Variants in TRPM6 observed in about 807,000 individuals in gnomAD.
The protein encoded by TRPM6 is transient receptor potential cation channel subfamily M member 6.
TRPM6 carries 111 observed loss-of-function variants against 247.6 expected under a neutral mutation model. The ratio of observed to expected loss-of-function variants is 0.45; its 90% CI spans 0.38 to 0.52. The LOEUF (loss-of-function observed/expected upper bound fraction) is 0.52, where lower values mean the gene tolerates loss of function less well. Ranked by LOEUF, TRPM6 falls within the 20% of genes least tolerant of loss-of-function variation. The pLI is 0.00. For missense variants in TRPM6, 2,126 were observed against 2,421.5 expected (o/e 0.88, Z 2.56); for synonymous variants, 892 against 853.8 (o/e 1.04, Z -0.78).
At chr9:74,741,871 C>T (rs1485729864) in intron 33 of TRPM6, among the ~76,000 whole-genome samples, 3 of 149,420 alleles carry the variant, frequency 2.0e-5, no homozygotes, top group South Asian at 2.1e-4. Context: ...GCCTGGGCAA[C>T]GAGAGTGAAA....
chr9:74,723,039 G>A lies in TRPM6; in HGVS notation c.*1574C>T, dbSNP rs1281625358. 1 of 152,148 alleles carries A rather than the reference G, an allele frequency of 6.6e-6. No individual in the cohort carries two copies. Among genetic ancestry groups the A allele is most frequent in the Non-Finnish European group, 1.5e-5 (1 of 68,018 alleles). 9.4% of individuals were successfully genotyped at this position (152,148 alleles called of 1,614,324 possible). On this transcript the variant is annotated 3_prime_UTR_variant, in exon 39 of 39. Coordinates refer to ENST00000360774, the MANE Select transcript of TRPM6 (RefSeq NM_017662.5). ...TATAATAAGAAAGGAGATGCAATAG[G>A]ATGGGGAGAGGACTCCCAGCCCCAC...
Position 74,762,422 on chromosome 9 carries a change from G to A in TRPM6, c.4249C>T (p.Gln1417Ter). 1 of 1,614,154 alleles carries A rather than the reference G, an allele frequency of 6.2e-7. No homozygotes were observed. Among genetic ancestry groups the A allele is most frequent in the Non-Finnish European group, 8.5e-7 (1 of 1,180,042 alleles). Residue 1417 changes from glutamine to a stop codon, truncating the protein, a stop_gained, in exon 26 of 39, where the codon CAA becomes TAA. Transcript: ENST00000360774. LOFTEE classifies it high-confidence loss of function. ...GGTAGCACTTGCTCTGCCTTGTCTTGTCCATCCAGTAAGTGAGCAATAGGC... is the reference window on the plus strand; with the variant it reads ...GGTAGCACTTGCTCTGCCTTGTCTTATCCATCCAGTAAGTGAGCAATAGGC... ...HEPIAHLLDG[Q>*]DKAEQVLPTL...
intron 1 of TRPM6, among the ~76,000 whole-genome samples, chr9:74,877,852 T>C (rs576113347): frequency 1.3e-5 from 2 of 152,166 alleles, no homozygotes; most frequent in South Asian, 4.2e-4. Flanking sequence ...CCACTCCAAC[T>C]CAGGCATTCC....
At chr9:74,756,715 G>C (rs1415015215) in intron 27 of TRPM6, among the ~76,000 whole-genome samples, 1 of 149,500 alleles carries the variant, frequency 6.7e-6, no homozygotes, top group African/African-American at 2.5e-5. Context: ...GCCAGGTGTG[G>C]TGGCACACCT....
In TRPM6 at chr9:74,800,299, G is replaced by A. The variant is rs1237266684; in HGVS notation, c.2193C>T (p.Asp731=). Residue 731 remains aspartate (D), a synonymous_variant, in exon 17 of 39, where the codon GAC becomes GAT. Coordinates refer to ENST00000360774, the MANE Select transcript of TRPM6 (RefSeq NM_017662.5). ...TCATTTTCAGCCTCCCCATCCACAT[G>A]TCTGTCAGTAGCATCTGGGTACAAG... is the stretch of plus-strand genomic sequence containing the variant. The part of the protein sequence containing the change: ...SHTCTQMLLT[D]MWMGRLKMRK... 6.2e-7 allele frequency: 1 copy of A among 1,613,992 alleles called. No individual in the cohort carries two copies.
At chr9:74,847,761 A>C (rs897459856) in intron 3 of TRPM6, among the ~76,000 whole-genome samples, 3 of 152,094 alleles carry the variant, frequency 2.0e-5, no homozygotes, top group Non-Finnish European at 4.4e-5. Context: ...TTTAAGACCC[A>C]TAAGTAACTT....
At position 74,724,458 on chromosome 9, in the gene TRPM6, A is replaced by AAAGG; in HGVS notation, c.*154_*155insCCTT. 1 of 1,055,220 alleles carries AAAGG rather than the reference A, an allele frequency of 9.5e-7. No individual in the cohort carries two copies. 65.4% of individuals were successfully genotyped at this position (1,055,220 alleles called of 1,614,324 possible). A position where few individuals can be genotyped will look rare whatever the true frequency, so the allele number is the denominator to read the frequency against. ...GTGTCTAGGAGAACCCATTGATCAT[A>AAAGG]TACCAATGAGGCCTTTGAACAGAAG... On this transcript the variant is annotated 3_prime_UTR_variant, in exon 39 of 39. Transcript: ENST00000360774.
In TRPM6 at chr9:74,762,883, C is replaced by T; in HGVS notation, c.3788G>A (p.Gly1263Asp). 6.2e-7 allele frequency: 1 copy of T among 1,613,442 alleles called. No individual in the cohort carries two copies. The highest frequency in any genetic ancestry group is 8.5e-7 in the Non-Finnish European group (1 of 1,179,584). The change falls in exon 26 of 39, where the codon GGC becomes GAC. Residue 1263 changes from glycine to aspartate, a missense_variant. Physicochemically the swap from Gly to Asp is moderately conservative, Grantham distance 94. This residue lies in a region of TRPM6 where 717 missense variants were observed against 715.9 expected (regional missense o/e 1.00). Coordinates refer to ENST00000360774, the MANE Select transcript of TRPM6 (RefSeq NM_017662.5). ...WSNVICAEVL[G>D]SMEIAGEKKY... is the part of the protein sequence containing the mutation. ...CTTCTCTCCAGCGATCTCCATGCTG[C>T]CTAGAACCTCTGCACAGATGACATT...
chr9:74,875,243 C>T, intron 1 of TRPM6: 1 of 455,774 alleles, frequency 2.2e-6, no homozygotes, highest in South Asian at 1.6e-5. Flanking sequence ...CTCTTCCCTT[C>T]CATTAAACTT....
chr9:74,769,959 G>C (rs963899398), intron 25 of TRPM6, among the ~76,000 whole-genome samples: 4 of 152,282 alleles, frequency 2.6e-5, no homozygotes, highest in African/African-American at 9.6e-5. Flanking sequence ...GACTCAATGA[G>C]CATAGCTATA....
At chr9:74,803,521 C>T (rs2119011729) in intron 15 of TRPM6, among the ~76,000 whole-genome samples, 1 of 152,200 alleles carries the variant, frequency 6.6e-6, no homozygotes, top group East Asian at 1.9e-4. Context: ...TTTTTAAGTA[C>T]CATCCCATAG....
In TRPM6 at chr9:74,751,415, A is replaced by C. The variant is rs1004298689; in HGVS notation, c.4999-693T>G. Among the ~76,000 whole-genome samples the C allele has an allele frequency of 1.4e-4, 21 of 152,198 alleles. 1 individual carries two copies. The highest frequency in any genetic ancestry group is 9.2e-4 in the Admixed American group (14 of 15,282). On this transcript the variant is annotated intron_variant, in intron 29 of 38. Transcript: ENST00000360774. The stretch of plus-strand genomic sequence containing the variant: ...TAGAAAGTGGCAGAGCCAGAATTTG[A>C]ACACAGGTCCCTGCTTCCAATTACC...
At chr9:74,793,501 G>T (rs368284848) in intron 18 of TRPM6, among the ~76,000 whole-genome samples, 8 of 152,044 alleles carry the variant, frequency 5.3e-5, no homozygotes, top group Admixed American at 2.6e-4. Context: ...ACAGTCACCC[G>T]CCACCACACC....
At chr9:74,797,403 T>C (rs770337151) in intron 17 of TRPM6, among the ~76,000 whole-genome samples, 5 of 152,228 alleles carry the variant, frequency 3.3e-5, no homozygotes, top group Admixed American at 6.5e-5. Context: ...AATGGTGTTG[T>C]ATTTCCATAT....
chr9:74,865,296 C>A (rs1830812792), intron 1 of TRPM6, among the ~76,000 whole-genome samples: 1 of 152,140 alleles, frequency 6.6e-6, no homozygotes, highest in Non-Finnish European at 1.5e-5. Flanking sequence ...TATTTCAGCC[C>A]CAAAACCCAA....
chr9:74,747,487 A>G (rs536023226), intron 31 of TRPM6, among the ~76,000 whole-genome samples: 1 of 152,324 alleles, frequency 6.6e-6, no homozygotes, highest in Admixed American at 6.5e-5. Context: ...ACCTAATCCT[A>G]TTTAGCCATT....
chr9:74,761,330 T>C (rs1354969871), intron 27 of TRPM6, among the ~76,000 whole-genome samples: 2 of 152,248 alleles, frequency 1.3e-5, no homozygotes, highest in Non-Finnish European at 2.9e-5. Context: ...AACAGCTTTT[T>C]TGGAATAGCC....
At chr9:74,754,099 CTT>C (rs1041040734) in intron 28 of TRPM6, among the ~76,000 whole-genome samples, 3 of 151,198 alleles carry the variant, frequency 2.0e-5, no homozygotes, top group Non-Finnish European at 4.4e-5. Context: ...ATATATGACA[CTT>C]ATAAATAAAA....
chr9:74,775,344 C>T (rs139897528), intron 24 of TRPM6, among the ~76,000 whole-genome samples: 90 of 152,238 alleles, frequency 5.9e-4, no homozygotes, highest in African/African-American at 2.0e-3. Flanking sequence ...CATGCACTAC[C>T]GCACCCAGTT....
Sources: gnomAD v4.1 joint callset for allele counts (sites outside exome capture counted in the v4.1 genomes callset) on GRCh38, gnomAD v4.1.1 for gene constraint, gnomAD v4.1.1 regional missense constraint, MANE v1.5 for transcripts, NCBI Gene and HGNC (gene_info 2026-07-23, HGNC 2026-07-21) for gene names.